The following PHF20L1 variants were observed in gnomAD, a reference collection of about 807,000 sequenced individuals.
PHF20L1 encodes the protein PHD finger protein 20 like 1.
PHF20L1 carries 44 observed loss-of-function variants against 125.5 expected under a neutral mutation model. That is an observed-to-expected ratio of 0.35 (90% confidence interval 0.28 to 0.45). The LOEUF (loss-of-function observed/expected upper bound fraction) is 0.45. Among genes scored for constraint, PHF20L1 ranks in the 20% least tolerant of loss-of-function variants. PHF20L1 has a pLI of 1.00. For missense variants in PHF20L1, 1,012 were observed against 1,217.2 expected (o/e 0.83, Z 2.51); for synonymous variants, 380 against 403.1 (o/e 0.94, Z 0.69).
intron 2 of PHF20L1, among the ~76,000 whole-genome samples, chr8:132,785,746 T>C (rs1586856630): frequency 6.6e-6 from 1 of 152,092 alleles, no homozygotes; most frequent in Non-Finnish European, 1.5e-5. Flanking sequence ...TGCAGTAAAG[T>C]TGAAGGAAGA....
At chr8:132,794,607 C>T in intron 3 of PHF20L1, 26 bp downstream of exon 3, 2 of 1,569,768 alleles carry the variant, frequency 1.3e-6, no homozygotes, top group Non-Finnish European at 1.7e-6. Flanking sequence ...TTTCTGTTTG[C>T]TAGTTTTGCC....
intron 4 of PHF20L1, among the ~76,000 whole-genome samples, chr8:132,797,874 T>C (rs934443235): frequency 2.0e-5 from 3 of 152,072 alleles, no homozygotes; most frequent in Non-Finnish European, 2.9e-5. Flanking sequence ...AAGTATCTGT[T>C]TACTTAGAGT....
intron 19 of PHF20L1, 159 bp downstream of exon 19, chr8:132,843,034 A>G: frequency 7.3e-7 from 1 of 1,369,770 alleles, no homozygotes; most frequent in Non-Finnish European, 9.4e-7. Context: ...CTCTACAGGA[A>G]AACACTGGCC....
chr8:132,793,217 T>G (rs1469263), intron 2 of PHF20L1, among the ~76,000 whole-genome samples: 88,206 of 151,736 alleles, frequency 0.58, 26,382 homozygotes, highest in Admixed American at 0.66. Context: ...AAGAATAGAA[T>G]GGAGAATAGC....
At chr8:132,812,013 G>A in intron 9 of PHF20L1, 2 of 982,892 alleles carry the variant, frequency 2.0e-6, no homozygotes, top group Non-Finnish European at 2.4e-6. Context: ...GTTATTTTAG[G>A]CCTGATTTGA....
intron 15 of PHF20L1, among the ~76,000 whole-genome samples, chr8:132,833,313 T>C (rs1213989908): frequency 6.6e-6 from 1 of 152,120 alleles, no homozygotes; most frequent in Non-Finnish European, 1.5e-5. Flanking sequence ...CCCTGGCTCG[T>C]TATGGAGAAA....
At chr8:132,794,318 T>C (rs559597466) in intron 2 of PHF20L1, 92 bp from the exon 3 acceptor site, 2 of 721,376 alleles carry the variant, frequency 2.8e-6, no homozygotes, top group Admixed American at 2.7e-5. Flanking sequence ...ATGGTTTTAA[T>C]GGTAAGCAAC....
rs371118595 is a variant in PHF20L1, at chr8:132,778,180, A to G, written c.83+269A>G. ...AATAATTGTCTAGAGTATGCGGTTT[A>G]TGTATACCTCATGTATACCTCACAT... On this transcript the variant is annotated intron_variant, in intron 2 of 20. Transcript: ENST00000395386. 1.1e-4 allele frequency among the ~76,000 whole-genome samples: 17 copies of G among 152,344 alleles called. No homozygotes were observed. In the East Asian group the frequency reaches 1.7e-3, roughly 16 times the overall value.
At chr8:132,843,112 G>C (rs760790568) in intron 19 of PHF20L1, 67 of 1,202,996 alleles carry the variant, frequency 5.6e-5, no homozygotes, top group Non-Finnish European at 6.6e-5. Context: ...TCTAACAAAA[G>C]TTTCAATTGT....
chr8:132,795,662 G>A (rs566114626), intron 4 of PHF20L1, among the ~76,000 whole-genome samples: 2 of 151,900 alleles, frequency 1.3e-5, no homozygotes, highest in African/African-American at 2.4e-5. Context: ...GACCACTTAC[G>A]GTAGTCCTTC....
chr8:132,811,537 C>G, intron 9 of PHF20L1: 1 of 983,788 alleles, frequency 1.0e-6, no homozygotes. Context: ...TGTTGTTAGA[C>G]TGACTATGTG....
chr8:132,830,269 T>A (rs1404671171), intron 14 of PHF20L1, among the ~76,000 whole-genome samples: 1 of 152,054 alleles, frequency 6.6e-6, no homozygotes. Context: ...TCTGCCTCCA[T>A]CCTTTCACTT....
At chr8:132,834,115 A>T (rs779718464) in intron 15 of PHF20L1, among the ~76,000 whole-genome samples, 1 of 151,960 alleles carries the variant, frequency 6.6e-6, no homozygotes, top group Non-Finnish European at 1.5e-5. Context: ...CGTAAGGGGG[A>T]ACTTTTATTT....
intron 12 of PHF20L1, among the ~76,000 whole-genome samples, chr8:132,822,690 C>T (rs1180489832): frequency 1.3e-5 from 2 of 151,916 alleles, no homozygotes; most frequent in Non-Finnish European, 2.9e-5. Context: ...ATATCCCTTT[C>T]ATTTTTTCTG....
intron 2 of PHF20L1, among the ~76,000 whole-genome samples, chr8:132,786,878 C>T (rs1271539310): frequency 6.6e-6 from 1 of 151,886 alleles, no homozygotes; most frequent in Non-Finnish European, 1.5e-5. Flanking sequence ...GAAGGTAGAG[C>T]CAAATGCAGG....
intron 13 of PHF20L1, chr8:132,825,003 A>G: frequency 2.9e-6 from 4 of 1,392,174 alleles, no homozygotes; most frequent in Non-Finnish European, 3.9e-6. Context: ...TACTCATTGA[A>G]GGTTTTAACT....
At chr8:132,794,838 G>C in intron 4 of PHF20L1, 21 bp downstream of exon 4, 1 of 1,477,134 alleles carries the variant, frequency 6.8e-7, no homozygotes, top group South Asian at 1.2e-5. Flanking sequence ...GAAATGATCT[G>C]AGACTTAAAA....
intron 18 of PHF20L1, 171 bp from the exon 19 acceptor site, chr8:132,842,344 G>T: frequency 2.1e-6 from 1 of 486,446 alleles, no homozygotes. Flanking sequence ...TAATTGAGAA[G>T]ATTCAAATTT....
intron 4 of PHF20L1, among the ~76,000 whole-genome samples, chr8:132,796,990 A>G (rs1832466488): frequency 6.6e-6 from 1 of 152,008 alleles, no homozygotes; most frequent in African/African-American, 2.4e-5. Flanking sequence ...CACATAGCGC[A>G]CACACTCAGA....
Sources: gnomAD v4.1 joint callset for allele counts (sites outside exome capture counted in the v4.1 genomes callset) on GRCh38, gnomAD v4.1.1 for gene constraint, MANE v1.5 for transcripts, NCBI Gene and HGNC (gene_info 2026-07-23, HGNC 2026-07-21) for gene names.